The following TAOK1 variants were observed in gnomAD, a reference collection of about 807,000 sequenced individuals.
The protein encoded by TAOK1 is TAO kinase 1, also known as serine/threonine-protein kinase TAO1.
Under a neutral mutation model 138.3 loss-of-function variants are expected in TAOK1, and 21 were observed. The observed-to-expected ratio is 0.15, with a 90% CI of 0.11 to 0.22. The LOEUF (loss-of-function observed/expected upper bound fraction) is 0.22. TAOK1 is among the 10% of genes least tolerant of loss of function. The pLI is 1.00. For synonymous variants in TAOK1, 361 were observed against 398.4 expected, an observed-to-expected ratio of 0.91 and a Z score of 1.12; for missense variants, 651 against 1,227.7, an observed-to-expected ratio of 0.53 and a Z score of 7.02.
chr17:29,420,459 C>T (rs528581108), intron 1 of TAOK1, among the ~76,000 whole-genome samples: 2 of 151,896 alleles, frequency 1.3e-5, no homozygotes, highest in Non-Finnish European at 2.9e-5. Flanking sequence ...AGTTTTATTT[C>T]TTCCTTGCCA....
Position 29,546,410 on chromosome 17 carries a change from A to G in TAOK1, c.*3388A>G, listed in dbSNP as rs546272651. 6.6e-6 allele frequency: 1 copy of G among 152,196 alleles called. No homozygotes were observed. Among genetic ancestry groups the G allele is most frequent in the African/African-American group, 2.4e-5 (1 of 41,548 alleles). The allele number at this position is 152,196 out of a possible 1,614,324, so 9.4% of individuals were successfully genotyped here. A position where few individuals can be genotyped will look rare whatever the true frequency, so the allele number is the denominator to read the frequency against. ...CCCCTTTTCAAAAATTGAAAACTCT[A>G]TGAGTGTCTTTTTGAGACCATAAAG... On this transcript the variant is annotated 3_prime_UTR_variant, in exon 20 of 20. Coordinates refer to ENST00000261716, the MANE Select transcript of TAOK1 (RefSeq NM_020791.4).
In TAOK1 at chr17:29,394,158, T is replaced by G. The variant is rs1391799417; in HGVS notation, c.-95+3134T>G. 1.3e-3 allele frequency among the ~76,000 whole-genome samples: 139 copies of G among 106,308 alleles called. 3 individuals carry two copies. In the East Asian group the frequency reaches 0.03, roughly 23 times the overall value. 69.7% of individuals were successfully genotyped at this position (106,308 alleles called of 152,430 possible). A position where few individuals can be genotyped will look rare whatever the true frequency, so the allele number is the denominator to read the frequency against. On this transcript the variant is annotated intron_variant, in intron 1 of 19. Coordinates refer to ENST00000261716, the MANE Select transcript of TAOK1 (RefSeq NM_020791.4). Reference sequence around the variant, plus strand: ...ATTTTAATAATTTGCCAGTTTTTTTTTTTTTTTTTTTTTTTTTTTTTTTTT... The same window carrying G: ...ATTTTAATAATTTGCCAGTTTTTTTGTTTTTTTTTTTTTTTTTTTTTTTTT...
chr17:29,456,980 TC>T (rs2030394758), intron 2 of TAOK1, among the ~76,000 whole-genome samples: 1 of 149,822 alleles, frequency 6.7e-6, no homozygotes, highest in Non-Finnish European at 1.5e-5. Flanking sequence ...TGATCCGCCT[TC>T]CTCGGCCTCC....
intron 17 of TAOK1, among the ~76,000 whole-genome samples, chr17:29,524,615 T>G (rs2150768745): frequency 6.6e-6 from 1 of 152,368 alleles, no homozygotes; most frequent in South Asian, 2.1e-4. Context: ...TCCTCATATT[T>G]AGGTGTATCT....
Position 29,434,609 on chromosome 17 carries a change from G to A in TAOK1, c.-94-16846G>A, listed in dbSNP as rs75491168. Among the ~76,000 whole-genome samples, 756 of 152,202 alleles carry A rather than the reference G, an allele frequency of 5.0e-3. 12 individuals are homozygous for A. Among genetic ancestry groups the A allele is most frequent in the African/African-American group, 0.018 (730 of 41,526 alleles). Reference sequence around the variant, plus strand: ...ATGAAACAGGGGTGTCGAGACAATAGGAATTATTTGTCTCACCTATGTCTG... The same window carrying A: ...ATGAAACAGGGGTGTCGAGACAATAAGAATTATTTGTCTCACCTATGTCTG... On this transcript the variant is annotated intron_variant, in intron 1 of 19. Transcript: ENST00000261716.
intron 2 of TAOK1, among the ~76,000 whole-genome samples, chr17:29,459,578 C>T (rs2030483205): frequency 6.6e-6 from 1 of 152,134 alleles, no homozygotes; most frequent in Admixed American, 6.6e-5. Context: ...CACCCGGCCT[C>T]ATTCTTTTTT....
At position 29,510,969 on chromosome 17, in the gene TAOK1, C is replaced by T. The variant is rs750597597; in HGVS notation, c.1681C>T (p.Leu561Phe). 1.2e-6 allele frequency: 2 copies of T among 1,607,002 alleles called. No homozygotes were observed. Among genetic ancestry groups the T allele is most frequent in the Admixed American group, 3.4e-5 (2 of 58,738 alleles). Residue 561 changes from leucine to phenylalanine, a missense_variant, in exon 15 of 20, where the codon CTT becomes TTT. Coordinates refer to ENST00000261716, the MANE Select transcript of TAOK1 (RefSeq NM_020791.4). ...CGAGTCCCAGAAAAGAGAGTATAAA[C>T]TTCGAAAAGAGCAGCTTAAAGAGGT... is the stretch of plus-strand genomic sequence containing the variant. ...FLESQKREYK[L>F]RKEQLKEELN...
chr17:29,534,928 G>GGTGTGTGTGT (rs71138832), intron 19 of TAOK1, among the ~76,000 whole-genome samples: 2,122 of 147,292 alleles, frequency 0.014, 57 homozygotes, highest in African/African-American at 0.05. Context: ...AGGATACTAA[G>GGTGTGTGTGT]GTGTGTGTGT....
chr17:29,462,865 A>C (rs191369355), intron 2 of TAOK1, among the ~76,000 whole-genome samples: 1 of 152,188 alleles, frequency 6.6e-6, no homozygotes, highest in East Asian at 1.9e-4. Context: ...AACAGCATCT[A>C]GTTTGTCTTT....
At chr17:29,423,502 C>T (rs984066610) in intron 1 of TAOK1, among the ~76,000 whole-genome samples, 1 of 151,664 alleles carries the variant, frequency 6.6e-6, no homozygotes. Context: ...CAGGCGTGAG[C>T]CACTGCGCCC....
chr17:29,445,830 G>A (rs948783519), intron 1 of TAOK1, among the ~76,000 whole-genome samples: 3 of 152,142 alleles, frequency 2.0e-5, no homozygotes, highest in Non-Finnish European at 1.5e-5. Context: ...TTCATAAAAT[G>A]AATTGGGAAA....
At chr17:29,391,155 C>T (rs543355340) in intron 1 of TAOK1, 131 bp downstream of exon 1, 1 of 152,580 alleles carries the variant, frequency 6.6e-6, no homozygotes, top group South Asian at 2.1e-4. Context: ...GTCTGTGATT[C>T]TGTGGGTGGG....
chr17:29,412,838 T>A (rs542720198), intron 1 of TAOK1, among the ~76,000 whole-genome samples: 4 of 152,334 alleles, frequency 2.6e-5, no homozygotes, highest in African/African-American at 9.6e-5. Context: ...TTCCACTGTA[T>A]TAGACCGTAG....
intron 1 of TAOK1, among the ~76,000 whole-genome samples, chr17:29,432,556 T>G (rs1429388037): frequency 6.6e-6 from 1 of 152,194 alleles, no homozygotes; most frequent in Non-Finnish European, 1.5e-5. Flanking sequence ...GGTCTCAAAC[T>G]CCTGACCTCG....
At chr17:29,489,110 A>G (rs1238211226) in intron 8 of TAOK1, among the ~76,000 whole-genome samples, 6 of 152,192 alleles carry the variant, frequency 3.9e-5, no homozygotes, top group Admixed American at 2.0e-4. Flanking sequence ...TGCTTTAGGA[A>G]AATGTTCTTC....
At chr17:29,448,029 T>TA (rs1555561168) in intron 1 of TAOK1, among the ~76,000 whole-genome samples, 10 of 150,318 alleles carry the variant, frequency 6.7e-5, no homozygotes, top group South Asian at 4.2e-4. Context: ...TCTTTTTTTT[T>TA]ATTATTTTTG....
At chr17:29,523,847 G>T (rs1325758660) in intron 17 of TAOK1, among the ~76,000 whole-genome samples, 2 of 152,076 alleles carry the variant, frequency 1.3e-5, no homozygotes, top group Non-Finnish European at 2.9e-5. Context: ...CTCCTACCCA[G>T]CCCTTTTTAT....
At chr17:29,458,645 C>T (rs751711280) in intron 2 of TAOK1, among the ~76,000 whole-genome samples, 5 of 152,146 alleles carry the variant, frequency 3.3e-5, no homozygotes, top group South Asian at 2.1e-4. Context: ...TACAGACATG[C>T]GCCACCACAC....
intron 18 of TAOK1, chr17:29,530,861 C>G: frequency 1.9e-6 from 1 of 531,146 alleles, no homozygotes; most frequent in Non-Finnish European, 3.4e-6. Flanking sequence ...AGCACAGATC[C>G]TAACACCTTA....
Sources: allele counts gnomAD v4.1 joint callset (sites outside exome capture counted in the v4.1 genomes callset), GRCh38; gene constraint gnomAD v4.1.1; transcripts MANE v1.5; gene names NCBI Gene and HGNC (gene_info 2026-07-23, HGNC 2026-07-21).